Variants in TRIM73 observed in about 807,000 individuals in gnomAD.
TRIM73 encodes the protein tripartite motif containing 73, also known as tripartite motif-containing protein 73.
For missense variants in TRIM73, 17 were observed against 272.5 expected (o/e 0.06, Z 6.60); for synonymous variants, 8 against 115.4 (o/e 0.07, Z 5.97).
At chr7:75,395,653 G>A in exon 1 of TRIM73, 1 of 512,878 alleles carries the variant, frequency 1.9e-6, no homozygotes, top group South Asian at 2.3e-5. Flanking sequence ...ATGTGCGGGA[G>A]CGCCAGGCGG....
intron 2 of TRIM73, chr7:75,402,343 G>A (rs1789010978): frequency 1.1e-5 from 1 of 88,138 alleles, no homozygotes; most frequent in Non-Finnish European, 2.3e-5. Context: ...GGGTGACATC[G>A]AGACCCTCTT....
At chr7:75,401,369 A>AT (rs1584623255) in intron 2 of TRIM73, among the ~76,000 whole-genome samples, 10 of 100,698 alleles carry the variant, frequency 9.9e-5, no homozygotes, top group East Asian at 4.4e-4. Flanking sequence ...TTTGGGCTTA[A>AT]TTTTTTTTTT....
chr7:75,395,673 C>A, exon 1 of TRIM73: 1 of 490,728 alleles, frequency 2.0e-6, no homozygotes, highest in South Asian at 2.4e-5. Context: ...GGGCATGTAA[C>A]CAGAGCGTGC....
intron 2 of TRIM73, chr7:75,402,487 T>G (rs1398888550): frequency 2.1e-5 from 1 of 46,514 alleles, no homozygotes; most frequent in East Asian, 6.0e-4. Flanking sequence ...GCCTCCCAGG[T>G]TCACGCCATT....
intron 2 of TRIM73, chr7:75,402,386 T>C (rs1789015543): frequency 7.7e-6 from 1 of 129,494 alleles, no homozygotes; most frequent in Admixed American, 7.8e-5. Flanking sequence ...CAATGCAGAA[T>C]ATTCTCTTTT....
chr7:75,398,706 C>T (rs1788924062), intron 1 of TRIM73, among the ~76,000 whole-genome samples: 3 of 54,168 alleles, frequency 5.5e-5, no homozygotes, highest in African/African-American at 8.2e-5. Context: ...CACACACACA[C>T]GTATCTTCAA....
intron 2 of TRIM73, chr7:75,402,433 C>A (rs2116253000): frequency 8.9e-6 from 1 of 111,882 alleles, no homozygotes; most frequent in African/African-American, 3.4e-5. Context: ...GCTCTGTCGC[C>A]CAGGCTGGAG....
chr7:75,396,383 AG>A (rs1439063295), intron 1 of TRIM73, among the ~76,000 whole-genome samples: 6 of 132,724 alleles, frequency 4.5e-5, no homozygotes, highest in Non-Finnish European at 6.4e-5. Context: ...TTTATTTTTT[AG>A]TTTTTAATTT....
intron 2 of TRIM73, among the ~76,000 whole-genome samples, chr7:75,401,422 T>C (rs1788991298): frequency 1.2e-5 from 1 of 83,800 alleles, no homozygotes; most frequent in Admixed American, 1.3e-4. Flanking sequence ...CAGGCTGGAC[T>C]CAAACTCCTG....
rs782221258 is a variant in TRIM73 at position 75,398,674 on chromosome 7, GACACAC to G, written c.-18-215_-18-210del. On this transcript the variant is annotated intron_variant, in intron 1 of 4. Transcript: ENST00000323819. ...TCTCCAAATTTGAGTAAAAAATGTA[GACACAC>G]ACACACACACACACACACACACACA... Among the ~76,000 whole-genome samples the G allele has an allele frequency of 7.9e-3, 286 of 36,328 alleles. 57 individuals carry two copies. Among genetic ancestry groups the G allele is most frequent in the East Asian group, 0.056 (31 of 552 alleles). 23.8% of individuals were successfully genotyped at this position (36,328 alleles called of 152,430 possible).
At chr7:75,402,423 GCT>G (rs1422517856) in intron 2 of TRIM73, 6 of 113,676 alleles carry the variant, frequency 5.3e-5, no homozygotes, top group African/African-American at 2.0e-4. Context: ...ACGGAGTCTC[GCT>G]CTGTCGCCCA....
intron 2 of TRIM73, chr7:75,402,496 T>G: frequency 2.8e-5 from 1 of 35,802 alleles, no homozygotes; most frequent in Non-Finnish European, 5.4e-5. Flanking sequence ...GTTCACGCCA[T>G]TCTCCTGCCT....
chr7:75,405,131 G>A (rs1444081006), intron 4 of TRIM73, 51 bp from the exon 5 acceptor site: 1 of 1,594,868 alleles, frequency 6.3e-7, no homozygotes, highest in Non-Finnish European at 8.5e-7. Flanking sequence ...TCCCAACAGT[G>A]CCCTGGCTTC....
At chr7:75,402,207 T>C (rs1789006896) in intron 2 of TRIM73, 1 of 14,082 alleles carries the variant, frequency 7.1e-5, no homozygotes, top group Non-Finnish European at 1.2e-4. Context: ...ATTCTGGATC[T>C]GCTGGTGACC....
At chr7:75,402,451 G>GT (rs1274955482) in intron 2 of TRIM73, 2 of 88,870 alleles carry the variant, frequency 2.3e-5, no homozygotes, top group South Asian at 4.4e-4. Flanking sequence ...GAGTGCAGTG[G>GT]GCGATCTCGG....
exon 4 of TRIM73, chr7:75,405,047 A>G: frequency 6.2e-7 from 1 of 1,613,480 alleles, no homozygotes; most frequent in Non-Finnish European, 8.5e-7. Flanking sequence ...TTCGGCAATG[A>G]GGACCACCAT....
At chr7:75,402,500 C>T in intron 2 of TRIM73, 1 of 31,908 alleles carries the variant, frequency 3.1e-5, no homozygotes, top group Non-Finnish European at 6.1e-5. Context: ...ACGCCATTCT[C>T]CTGCCTCAGC....
chr7:75,396,202 CTGAT>C (rs1247965597), intron 1 of TRIM73, among the ~76,000 whole-genome samples: 2 of 152,100 alleles, frequency 1.3e-5, no homozygotes, highest in South Asian at 2.1e-4. Flanking sequence ...AGACAAGACA[CTGAT>C]TGATTGATTG....
chr7:75,395,985 G>A (rs1788853654), intron 1 of TRIM73, among the ~76,000 whole-genome samples, 175 bp downstream of exon 1: 1 of 127,850 alleles, frequency 7.8e-6, no homozygotes, highest in Non-Finnish European at 1.7e-5. Flanking sequence ...TGACAGGGCT[G>A]CCGCCCTTGA....
Sources: gnomAD v4.1 joint callset for allele counts (sites outside exome capture counted in the v4.1 genomes callset) on GRCh38, gnomAD v4.1.1 for gene constraint, MANE v1.5 for transcripts, NCBI Gene and HGNC (gene_info 2026-07-23, HGNC 2026-07-21) for gene names.